EYS: variants seen among roughly 807,000 people sequenced by gnomAD.
EYS encodes the protein protein eyes shut homolog.
In EYS, 250 loss-of-function variants were observed where a neutral mutation model predicts 282.1. The observed-to-expected ratio is 0.89, with a 90% CI of 0.80 to 0.98. EYS has a LOEUF of 0.98. Ranked by LOEUF, EYS falls within the 50% of genes least tolerant of loss-of-function variation. EYS has a pLI of 0.00. For synonymous variants in EYS, 1,355 were observed against 1,282.9 expected (o/e 1.06, Z -1.20); for missense variants, 4,016 against 3,709.0 (o/e 1.08, Z -2.15).
chr6:65,022,870 T>C (rs1406604929), intron 13 of EYS, among the ~76,000 whole-genome samples: 2 of 151,964 alleles, frequency 1.3e-5, no homozygotes, highest in Non-Finnish European at 2.9e-5. Context: ...TATAGAGATA[T>C]GTTGTATCAA....
intron 26 of EYS, among the ~76,000 whole-genome samples, chr6:64,534,793 C>T (rs994309954): frequency 1.3e-5 from 2 of 149,314 alleles, no homozygotes; most frequent in African/African-American, 2.5e-5. Context: ...AATTTAACAC[C>T]ATCTTTTTTT....
intron 1 of EYS, among the ~76,000 whole-genome samples, chr6:65,644,497 A>T (rs2149815085): frequency 6.6e-6 from 1 of 152,326 alleles, no homozygotes; most frequent in Non-Finnish European, 1.5e-5. Context: ...TACCTGAGAG[A>T]ACAATCAAAG....
intron 10 of EYS, among the ~76,000 whole-genome samples, chr6:65,341,326 C>A (rs769292604): frequency 6.6e-6 from 1 of 151,138 alleles, no homozygotes; most frequent in African/African-American, 2.4e-5. Flanking sequence ...TAAGTTTTCA[C>A]GGGTTCTTCT....
intron 26 of EYS, among the ~76,000 whole-genome samples, chr6:64,490,965 A>G (rs960538494): frequency 2.7e-5 from 4 of 150,856 alleles, no homozygotes; most frequent in Admixed American, 6.6e-5. Flanking sequence ...CACTAAAATC[A>G]ACAGAAAATT....
chr6:64,437,738 T>G (rs879320538), intron 27 of EYS, among the ~76,000 whole-genome samples: 9 of 137,478 alleles, frequency 6.5e-5, no homozygotes, highest in Non-Finnish European at 1.5e-4. Context: ...GAAGGCTAGC[T>G]TTTTTTTCCT....
At chr6:64,296,020 AT>A (rs1320381324) in intron 30 of EYS, among the ~76,000 whole-genome samples, 1 of 152,228 alleles carries the variant, frequency 6.6e-6, no homozygotes, top group African/African-American at 2.4e-5. Context: ...TGAGTAAAAG[AT>A]CCATTCAAAA....
At chr6:64,635,003 C>G (rs1767925007) in intron 22 of EYS, among the ~76,000 whole-genome samples, 1 of 151,832 alleles carries the variant, frequency 6.6e-6, no homozygotes, top group South Asian at 2.1e-4. Context: ...TTTCATTGAG[C>G]AGTGGTTTGT....
In EYS at chr6:65,507,450, C is replaced by G. The variant is rs1228351981; in HGVS notation, c.-332-11457G>C. ...TTTATTTAGCTTAGTGTTCTCTCAA[C>G]TTCCAGGACATGAGAATCATTTGTC... On this transcript the variant is annotated intron_variant, in intron 2 of 42. Coordinates refer to ENST00000503581, the MANE Select transcript of EYS (RefSeq NM_001142800.2). Among the ~76,000 whole-genome samples, 5 of 152,044 alleles carry G rather than the reference C, an allele frequency of 3.3e-5. No individual in the cohort carries two copies. The East Asian group carries it at 9.6e-4, about 29-fold the overall frequency.
Position 65,698,709 on chromosome 6 carries a change from C to T in EYS, c.-448+8426G>A, listed in dbSNP as rs559204806. Among the ~76,000 whole-genome samples the T allele has an allele frequency of 1.4e-3, 206 of 152,266 alleles. 1 individual carries two copies. Among genetic ancestry groups the T allele is most frequent in the Non-Finnish European group, 2.2e-3 (152 of 68,020 alleles). On this transcript the variant is annotated intron_variant, in intron 1 of 42. Transcript: ENST00000503581. ...ATGAATTGCTAAAACATTTACCATG[C>T]TGCAGGTGTCTATACATGTTATCCT... is the stretch of plus-strand genomic sequence containing the variant.
chr6:65,526,302 G>T (rs1161240326), intron 2 of EYS, among the ~76,000 whole-genome samples: 1 of 152,076 alleles, frequency 6.6e-6, no homozygotes. Flanking sequence ...TCAAACCACG[G>T]CAGGTGTAGA....
At chr6:64,773,868 C>T (rs1773599865) in intron 22 of EYS, among the ~76,000 whole-genome samples, 1 of 151,644 alleles carries the variant, frequency 6.6e-6, no homozygotes, top group African/African-American at 2.4e-5. Context: ...TATTTTCTCC[C>T]ATTCTGTAGG....
chr6:65,612,477 C>T (rs1766035624), intron 2 of EYS, among the ~76,000 whole-genome samples: 1 of 151,648 alleles, frequency 6.6e-6, no homozygotes, highest in Admixed American at 6.6e-5. Flanking sequence ...TTCTTGCAAG[C>T]TATAAACTAA....
At chr6:64,834,146 A>T (rs1432889486) in intron 19 of EYS, among the ~76,000 whole-genome samples, 1 of 151,896 alleles carries the variant, frequency 6.6e-6, no homozygotes, top group Non-Finnish European at 1.5e-5. Context: ...CACTAAGATC[A>T]AGCTGTGAGC....
intron 37 of EYS, among the ~76,000 whole-genome samples, chr6:63,802,475 A>C (rs529017725): frequency 4.9e-4 from 75 of 152,226 alleles, no homozygotes; most frequent in African/African-American, 1.5e-3. Context: ...TAAAAAAAAA[A>C]ACAAATATTA....
chr6:65,672,840 C>T (rs1372842522), intron 1 of EYS, among the ~76,000 whole-genome samples: 1 of 152,046 alleles, frequency 6.6e-6, no homozygotes, highest in African/African-American at 2.4e-5. Flanking sequence ...CACCTGGGTG[C>T]AGGCGGGCTG....
At chr6:65,283,900 T>A (rs1768288943) in intron 12 of EYS, among the ~76,000 whole-genome samples, 1 of 152,148 alleles carries the variant, frequency 6.6e-6, no homozygotes. Flanking sequence ...ATCTGAACAA[T>A]CTAAATAATT....
At chr6:63,877,393 G>A (rs570283864) in intron 35 of EYS, among the ~76,000 whole-genome samples, 8 of 152,156 alleles carry the variant, frequency 5.3e-5, no homozygotes, top group South Asian at 2.1e-4. Context: ...CTCTCTGGCC[G>A]CCCTTAATGT....
intron 12 of EYS, among the ~76,000 whole-genome samples, chr6:65,093,197 CCTGTT>C (rs1480703049): frequency 3.9e-5 from 6 of 151,906 alleles, no homozygotes; most frequent in Non-Finnish European, 5.9e-5. Context: ...CCCCAGTAAA[CCTGTT>C]CTTCATAAAT....
chr6:65,413,730 C>A (rs1171134476), intron 5 of EYS, among the ~76,000 whole-genome samples: 8 of 152,026 alleles, frequency 5.3e-5, no homozygotes, highest in Non-Finnish European at 5.9e-5. Flanking sequence ...GTGGCAGGCA[C>A]CTGTAACCCC....
Sources: allele counts gnomAD v4.1 joint callset (sites outside exome capture counted in the v4.1 genomes callset), GRCh38; gene constraint gnomAD v4.1.1; transcripts MANE v1.5; gene names NCBI Gene and HGNC (gene_info 2026-07-23, HGNC 2026-07-21).